AP1S3: variants seen among roughly 807,000 people sequenced by gnomAD.
AP1S3 encodes the protein adaptor related protein complex 1 subunit sigma 3.
A neutral mutation model predicts 20.9 loss-of-function variants in AP1S3; 10 were observed. That is an observed-to-expected ratio of 0.48 (90% CI 0.29 to 0.81). The LOEUF (loss-of-function observed/expected upper bound fraction) is 0.81. Among genes scored for constraint, AP1S3 ranks in the 30% least tolerant of loss-of-function variants. The pLI, the probability that AP1S3 is intolerant of heterozygous loss-of-function variation, is 0.08. For missense variants in AP1S3, 154 were observed against 183.8 expected (o/e 0.84, Z 0.94); for synonymous variants, 41 against 61.5 (o/e 0.67, Z 1.56).
At chr2:223,810,693 C>G (rs559236355) in intron 1 of AP1S3, among the ~76,000 whole-genome samples, 54 of 151,396 alleles carry the variant, frequency 3.6e-4, no homozygotes, top group Non-Finnish European at 7.2e-4. Flanking sequence ...AGAAACAACA[C>G]AAAAAAAGTC....
At chr2:223,805,667 T>C (rs909250725) in intron 1 of AP1S3, among the ~76,000 whole-genome samples, 1 of 152,226 alleles carries the variant, frequency 6.6e-6, no homozygotes, top group African/African-American at 2.4e-5. Context: ...CAGAACTATG[T>C]CTAACTTCTT....
intron 1 of AP1S3, among the ~76,000 whole-genome samples, chr2:223,797,993 T>A (rs144380752): frequency 2.7e-4 from 41 of 152,290 alleles, no homozygotes; most frequent in African/African-American, 9.9e-4. Flanking sequence ...GAAGTGGTCC[T>A]CTGACCCAAG....
intron 4 of AP1S3, among the ~76,000 whole-genome samples, chr2:223,764,208 C>G (rs6719290): frequency 0.013 from 1,327 of 105,838 alleles, 19 homozygotes; most frequent in African/African-American, 0.078. Context: ...AGTGAGCCAC[C>G]GCATCCGGCC....
At chr2:223,768,624 G>GC (rs1205550193) in intron 3 of AP1S3, among the ~76,000 whole-genome samples, 9 of 152,154 alleles carry the variant, frequency 5.9e-5, no homozygotes, top group African/African-American at 2.2e-4. Flanking sequence ...GGAGGCTGAG[G>GC]CAGGCAGATC....
intron 1 of AP1S3, among the ~76,000 whole-genome samples, chr2:223,831,057 C>G (rs1692246505): frequency 6.6e-6 from 1 of 152,092 alleles, no homozygotes; most frequent in Non-Finnish European, 1.5e-5. Flanking sequence ...CTGAGTCTCA[C>G]TGGTCTCAAA....
At chr2:223,788,026 G>C (rs754884529) in intron 1 of AP1S3, among the ~76,000 whole-genome samples, 1 of 151,570 alleles carries the variant, frequency 6.6e-6, no homozygotes, top group Admixed American at 6.6e-5. Flanking sequence ...GTGTGATCTC[G>C]GCTCGCCCAG....
At chr2:223,835,423 G>A (rs1427096673) in intron 1 of AP1S3, among the ~76,000 whole-genome samples, 3 of 152,176 alleles carry the variant, frequency 2.0e-5, no homozygotes, top group Admixed American at 6.5e-5. Context: ...TTGGGAGGCC[G>A]ATGCAGGTGG....
chr2:223,797,272 G>C (rs1266685382), intron 1 of AP1S3, among the ~76,000 whole-genome samples: 10 of 152,102 alleles, frequency 6.6e-5, no homozygotes, highest in Admixed American at 3.9e-4. Flanking sequence ...CATACAATAG[G>C]GGGTGGAGGA....
At position 223,756,685 on chromosome 2, in the gene AP1S3, C is replaced by G. The variant is rs963405882; in HGVS notation, c.*2030G>C. 5 of 985,228 alleles carry G rather than the reference C, an allele frequency of 5.1e-6. No homozygotes were observed. The African/African-American group carries it at 8.7e-5, about 17-fold the overall frequency. 61.0% of individuals were successfully genotyped at this position (985,228 alleles called of 1,614,324 possible). On this transcript the variant is annotated 3_prime_UTR_variant, in exon 5 of 5. Transcript: ENST00000396654. ...GCTAATCTGAGTTATTTCCTTTGAA[C>G]AATGGTTATATTGAGGAATTGGTGA... is the stretch of plus-strand genomic sequence containing the variant.
intron 1 of AP1S3, among the ~76,000 whole-genome samples, chr2:223,829,755 T>TG: frequency 6.6e-6 from 1 of 151,970 alleles, no homozygotes; most frequent in Non-Finnish European, 1.5e-5. Flanking sequence ...GAGTATCACT[T>TG]GAACCCAGGA....
chr2:223,820,586 A>G (rs1320043935), intron 1 of AP1S3, among the ~76,000 whole-genome samples: 1 of 150,430 alleles, frequency 6.6e-6, no homozygotes, highest in African/African-American at 2.4e-5. Context: ...TTAAGTTTCA[A>G]TGTTTGTCCC....
intron 1 of AP1S3, among the ~76,000 whole-genome samples, chr2:223,794,337 A>G (rs1269897765): frequency 6.6e-6 from 1 of 152,018 alleles, no homozygotes; most frequent in Non-Finnish European, 1.5e-5. Context: ...TGGGCGACAC[A>G]GAGAGACTCT....
chr2:223,828,645 GT>G (rs1692189178), intron 1 of AP1S3, among the ~76,000 whole-genome samples: 1 of 152,144 alleles, frequency 6.6e-6, no homozygotes, highest in Admixed American at 6.6e-5. Flanking sequence ...CACCAAGAAT[GT>G]GAGCTCCGTG....
At chr2:223,835,146 A>G (rs1416588986) in intron 1 of AP1S3, among the ~76,000 whole-genome samples, 1 of 111,400 alleles carries the variant, frequency 9.0e-6, no homozygotes, top group African/African-American at 3.3e-5. Flanking sequence ...CCTCTGCCTT[A>G]TGAGTTAGGA....
chr2:223,806,677 T>C (rs1273833550), intron 1 of AP1S3, among the ~76,000 whole-genome samples: 1 of 152,176 alleles, frequency 6.6e-6, no homozygotes, highest in Non-Finnish European at 1.5e-5. Context: ...CTTTATACTT[T>C]CAATATTTAG....
In AP1S3 at chr2:223,833,241, A is replaced by AATAAATACATACATACATAC. The variant is rs112316770; in HGVS notation, c.3+4206_3+4207insGTATGTATGTATGTATTTAT. ...CCCACAGCTATCTTGTTAAAGGCAA[A>AATAAATACATACATACATAC]ATACATACATACATACATACATACA... On this transcript the variant is annotated intron_variant, in intron 1 of 4. Coordinates refer to ENST00000396654, the MANE Select transcript of AP1S3 (RefSeq NM_001039569.2). Among the ~76,000 whole-genome samples the AATAAATACATACATACATAC allele has an allele frequency of 1.0e-3, 152 of 148,548 alleles. 1 individual carries two copies. The highest frequency in any genetic ancestry group is 2.2e-3 in the East Asian group (11 of 4,966).
rs58632482 is a variant in AP1S3, at chr2:223,832,300, CTGT to C, written c.3+5145_3+5147del. Reference sequence around the variant, plus strand: ...TACACAGTGTGCTGCTTCCTTACAGCTGTTGTTGGCAAAATGCCACACAAAAGT... The same window carrying C: ...TACACAGTGTGCTGCTTCCTTACAGCTGTTGGCAAAATGCCACACAAAAGT... On this transcript the variant is annotated intron_variant, in intron 1 of 4. Transcript: ENST00000396654. 2.8e-3 allele frequency among the ~76,000 whole-genome samples: 429 copies of C among 152,156 alleles called. 2 individuals carry two copies. The highest frequency in any genetic ancestry group is 9.5e-3 in the African/African-American group (393 of 41,522).
Position 223,777,773 on chromosome 2 carries a change from C to T in AP1S3, c.100G>A (p.Glu34Lys), listed in dbSNP as rs1379840647. 11 of 1,614,028 alleles carry T rather than the reference C, an allele frequency of 6.8e-6. No homozygotes were observed. Among genetic ancestry groups the T allele is most frequent in the Non-Finnish European group, 9.3e-6 (11 of 1,180,026 alleles). The change falls in exon 2 of 5, where the codon GAA (glutamate) becomes AAA (lysine). Residue 34 changes from glutamate (E) to lysine (K), a missense_variant. Glu to Lys is a moderately conservative substitution (Grantham distance 56). Transcript: ENST00000396654. ...PDKERKKITREIVQIILSRGH... is the reference protein window; with the variant it reads ...PDKERKKITRKIVQIILSRGH... Reference sequence around the variant, plus strand: ...CGGGAGAGAATAATCTGAACAATTTCCCGGGTGATCTTCTTCCTCTCTTTA... The same window carrying T: ...CGGGAGAGAATAATCTGAACAATTTTCCGGGTGATCTTCTTCCTCTCTTTA...
intron 1 of AP1S3, among the ~76,000 whole-genome samples, chr2:223,795,586 G>T (rs1691316876): frequency 1.1e-5 from 1 of 88,394 alleles, no homozygotes; most frequent in Non-Finnish European, 2.0e-5. Flanking sequence ...ACTAGGCCAG[G>T]CAGAAGGGGC....
Sources: gnomAD v4.1 joint callset for allele counts (sites outside exome capture counted in the v4.1 genomes callset) on GRCh38, gnomAD v4.1.1 for gene constraint, MANE v1.5 for transcripts, NCBI Gene and HGNC (gene_info 2026-07-23, HGNC 2026-07-21) for gene names.